CHMP1A: variants seen among roughly 807,000 people sequenced by gnomAD.
The protein encoded by CHMP1A is VPS46 homolog A.
In CHMP1A, 17 loss-of-function variants were observed where a neutral mutation model predicts 27.0. The observed-to-expected ratio is 0.63, with a 90% CI of 0.43 to 0.95. CHMP1A has a LOEUF of 0.95. Ranked by LOEUF, CHMP1A falls within the 40% of genes least tolerant of loss-of-function variation. The pLI is 0.00. For missense variants in CHMP1A, 275 were observed against 264.0 expected, an observed-to-expected ratio of 1.04 and a Z score of -0.29; for synonymous variants, 131 against 107.5, an observed-to-expected ratio of 1.22 and a Z score of -1.35.
intron 1 of CHMP1A, among the ~76,000 whole-genome samples, chr16:89,656,440 C>T (rs965076687): frequency 6.6e-6 from 1 of 152,204 alleles, no homozygotes; most frequent in Admixed American, 6.5e-5. Flanking sequence ...CCCAGCCCTT[C>T]AAAAAGTATT....
rs373391327 is a variant in CHMP1A, at chr16:89,649,242, G to A, written c.252+109C>T. 1.2e-3 allele frequency: 1,440 copies of A among 1,167,452 alleles called. 16 individuals are homozygous for A. In the Middle Eastern group the frequency reaches 0.016, roughly 13 times the overall value. 72.3% of individuals were successfully genotyped at this position (1,167,452 alleles called of 1,614,324 possible). On this transcript the variant is annotated intron_variant, in intron 4 of 6. Transcript: ENST00000397901. The stretch of plus-strand genomic sequence containing the variant: ...GCTTCCCTCAACCTCCCCACCCCGC[G>A]CTGATCCACCTTCCGTCAACTCTGA...
At chr16:89,657,293 AG>A (rs2059889428) in intron 1 of CHMP1A, among the ~76,000 whole-genome samples, 1 of 107,160 alleles carries the variant, frequency 9.3e-6, no homozygotes, top group Non-Finnish European at 1.9e-5. Flanking sequence ...GCCCTGGGGA[AG>A]GGGTTCCGGG....
Position 89,651,564 on chromosome 16 carries a change from C to G in CHMP1A, c.105+5G>C. The G allele has an allele frequency of 5.6e-6, 9 of 1,613,492 alleles. No individual in the cohort carries two copies. The highest frequency in any genetic ancestry group is 7.6e-6 in the Non-Finnish European group (9 of 1,179,592). On this transcript the variant is annotated splice_donor_5th_base_variant and intron_variant, in intron 3 of 6. Coordinates refer to ENST00000397901, the MANE Select transcript of CHMP1A (RefSeq NM_002768.5). Reference sequence around the variant, plus strand: ...GTCATGACCCCACAGCCCCCAGGGTCTCACCTTCTTCACTTTGGCCTGCTC... The same window carrying G: ...GTCATGACCCCACAGCCCCCAGGGTGTCACCTTCTTCACTTTGGCCTGCTC...
rs892506372 is a variant in CHMP1A, at chr16:89,645,019, T to C, written c.*1047A>G. On this transcript the variant is annotated 3_prime_UTR_variant, in exon 7 of 7. Transcript: ENST00000397901. ...CCTTCCCAAGAGCTGCTGGTGACTC[T>C]CCAGGGCCACAATGGCAGGTTTTCC... 4 of 152,460 alleles carry C rather than the reference T, an allele frequency of 2.6e-5. No individual in the cohort carries two copies. Among genetic ancestry groups the C allele is most frequent in the African/African-American group, 9.6e-5 (4 of 41,456 alleles). The allele number at this position is 152,460 out of a possible 1,614,324, so 9.4% of individuals were successfully genotyped here. A position where few individuals can be genotyped will look rare whatever the true frequency, so the allele number is the denominator to read the frequency against.
intron 1 of CHMP1A, among the ~76,000 whole-genome samples, chr16:89,656,872 GC>G (rs1468406915): frequency 1.3e-5 from 2 of 150,462 alleles, no homozygotes; most frequent in Non-Finnish European, 3.0e-5. Flanking sequence ...GCTGAGGAGT[GC>G]CAGGGGCGGG....
chr16:89,649,930 TA>T (rs1359682221), intron 3 of CHMP1A, among the ~76,000 whole-genome samples: 1 of 151,998 alleles, frequency 6.6e-6, no homozygotes, highest in African/African-American at 2.4e-5. Flanking sequence ...ATGTTTGAGC[TA>T]AAAATGCAAA....
At chr16:89,656,186 G>C (rs1247925497) in intron 1 of CHMP1A, among the ~76,000 whole-genome samples, 3 of 152,212 alleles carry the variant, frequency 2.0e-5, no homozygotes, top group African/African-American at 7.2e-5. Flanking sequence ...GCCCAGGCTG[G>C]AGTGAAGTGG....
chr16:89,654,020 G>T, intron 1 of CHMP1A, 97 bp from the exon 2 acceptor site: 1 of 1,286,442 alleles, frequency 7.8e-7, no homozygotes, highest in Non-Finnish European at 1.1e-6. Context: ...GACACCAGGA[G>T]CTAGAACACA....
In CHMP1A at chr16:89,645,955, C is replaced by G; in HGVS notation, c.*111G>C. On this transcript the variant is annotated 3_prime_UTR_variant, in exon 7 of 7. Transcript: ENST00000397901. ...CTGGCAGGTGAGAGACGCAGAGTGG[C>G]TGCCGGCCGCAGCCCCGCGGGGTCA... 6.2e-7 allele frequency: 1 copy of G among 1,611,038 alleles called. No homozygotes were observed. Among genetic ancestry groups the G allele is most frequent in the Non-Finnish European group, 8.5e-7 (1 of 1,179,100 alleles).
Position 89,647,573 on chromosome 16 carries a change from G to A in CHMP1A, c.253-242C>T, listed in dbSNP as rs552235751. Among the ~76,000 whole-genome samples the A allele has an allele frequency of 3.1e-3, 455 of 146,524 alleles. 4 individuals are homozygous for A. Among genetic ancestry groups the A allele is most frequent in the African/African-American group, 0.01 (403 of 38,402 alleles). ...AAGGCCGCCGACGTGGAGACCCAGT[G>A]CGGGGTCAGTGGAGAAAAGGCCGCC... On this transcript the variant is annotated intron_variant, in intron 4 of 6. Transcript: ENST00000397901.
chr16:89,654,025 A>AAC, intron 1 of CHMP1A, 102 bp from the exon 2 acceptor site: 3 of 1,247,082 alleles, frequency 2.4e-6, no homozygotes, highest in Non-Finnish European at 3.5e-6. Flanking sequence ...CAGGAGCTAG[A>AAC]ACACACACAC....
At chr16:89,652,807 G>A (rs936803690) in intron 2 of CHMP1A, among the ~76,000 whole-genome samples, 13 of 152,260 alleles carry the variant, frequency 8.5e-5, no homozygotes, top group Non-Finnish European at 1.0e-4. Flanking sequence ...CAGAGCCAGC[G>A]ACAAGGCAAG....
intron 4 of CHMP1A, among the ~76,000 whole-genome samples, chr16:89,648,471 TG>T (rs1401638835): frequency 1.3e-5 from 2 of 150,384 alleles, no homozygotes; most frequent in African/African-American, 5.0e-5. Flanking sequence ...TGTGCCCTCC[TG>T]GCCCACCTGC....
intron 4 of CHMP1A, chr16:89,649,038 T>A (rs545027757): frequency 2.2e-4 from 54 of 247,834 alleles, no homozygotes; most frequent in Non-Finnish European, 3.2e-4. Context: ...AATATATATT[T>A]AAAAAAAAAA....
rs774450984 is a variant in CHMP1A at position 89,647,011 on chromosome 16, C to A, written c.381+192G>T. 5.4e-5 allele frequency: 81 copies of A among 1,498,270 alleles called. No homozygotes were observed. In the African/African-American group the frequency reaches 9.6e-4, roughly 18 times the overall value. The allele number at this position is 1,498,270 out of a possible 1,614,324, so 92.8% of individuals were successfully genotyped here. On this transcript the variant is annotated intron_variant, in intron 5 of 6. Transcript: ENST00000397901. ...CAAGGAGCCAGGTGCCTGCAGGAGG[C>A]CCCCGCCGCCCTGCCCACCCTACCT...
At chr16:89,657,436 TG>T (rs1268540971) in intron 1 of CHMP1A, 145 bp downstream of exon 1, 2 of 941,598 alleles carry the variant, frequency 2.1e-6, no homozygotes, top group Admixed American at 2.7e-5. Context: ...GTCGAGGCCC[TG>T]GGGATGGGGT....
At chr16:89,657,072 G>C (rs2059882892) in intron 1 of CHMP1A, among the ~76,000 whole-genome samples, 1 of 150,046 alleles carries the variant, frequency 6.7e-6, no homozygotes, top group African/African-American at 2.5e-5. Context: ...ATCGAGGCCT[G>C]GGGGGAGGGG....
intron 1 of CHMP1A, among the ~76,000 whole-genome samples, 171 bp from the exon 2 acceptor site, chr16:89,654,094 G>A (rs2059845615): frequency 6.6e-6 from 1 of 152,244 alleles, no homozygotes; most frequent in Non-Finnish European, 1.5e-5. Context: ...GCACGAGACA[G>A]ATTCGTGTGC....
intron 2 of CHMP1A, among the ~76,000 whole-genome samples, chr16:89,653,136 G>A (rs2059838411): frequency 1.4e-5 from 2 of 147,028 alleles, no homozygotes; most frequent in Admixed American, 1.4e-4. Context: ...TCCGGCCTCA[G>A]CCTCCTGAGT....
Sources: gnomAD v4.1 joint callset for allele counts (sites outside exome capture counted in the v4.1 genomes callset) on GRCh38, gnomAD v4.1.1 for gene constraint, MANE v1.5 for transcripts, NCBI Gene and HGNC (gene_info 2026-07-23, HGNC 2026-07-21) for gene names.